The following NSD1 variants were observed in gnomAD, a reference collection of about 807,000 sequenced individuals.
The protein encoded by NSD1 is histone-lysine N-methyltransferase, H3 lysine-36 specific.
In NSD1, 26 loss-of-function variants were observed where a neutral mutation model predicts 242.7. That is an observed-to-expected ratio of 0.11 (90% CI 0.08 to 0.15). NSD1 has a LOEUF of 0.15. Among genes scored for constraint, NSD1 ranks in the 10% least tolerant of loss-of-function variants. NSD1 has a pLI of 1.00. For missense variants in NSD1, 2,495 were observed against 3,272.8 expected, an observed-to-expected ratio of 0.76 and a Z score of 5.80; for synonymous variants, 1,106 against 1,178.1, an observed-to-expected ratio of 0.94 and a Z score of 1.25.
chr5:177,139,528 CTT>C (rs1387382268), intron 2 of NSD1, among the ~76,000 whole-genome samples: 1 of 151,098 alleles, frequency 6.6e-6, no homozygotes, highest in Non-Finnish European at 1.5e-5. Flanking sequence ...TTAAAAATAA[CTT>C]TTCTATGTAG....
intron 20 of NSD1, among the ~76,000 whole-genome samples, chr5:177,284,359 C>G (rs998846746): frequency 3.9e-4 from 60 of 152,360 alleles, no homozygotes; most frequent in African/African-American, 1.4e-3. Context: ...CAGTTCACTG[C>G]AGCCTCAAAC....
At chr5:177,188,423 A>G (rs1416941526) in intron 2 of NSD1, among the ~76,000 whole-genome samples, 4 of 152,136 alleles carry the variant, frequency 2.6e-5, no homozygotes, top group Non-Finnish European at 5.9e-5. Flanking sequence ...GGGTTTGCAT[A>G]TGTTATTTTA....
chr5:177,150,488 A>G (rs896398645), intron 2 of NSD1, among the ~76,000 whole-genome samples: 2 of 147,994 alleles, frequency 1.4e-5, no homozygotes, highest in Admixed American at 6.6e-5. Context: ...GGAAACCAAT[A>G]AAATCATACA....
intron 5 of NSD1, among the ~76,000 whole-genome samples, chr5:177,219,281 G>A (rs1764049922): frequency 1.3e-5 from 2 of 151,860 alleles, no homozygotes; most frequent in Non-Finnish European, 2.9e-5. Flanking sequence ...CACCTCCCGG[G>A]TTCAAGCGAT....
At chr5:177,244,738 G>A (rs1034427619) in intron 9 of NSD1, among the ~76,000 whole-genome samples, 3 of 152,192 alleles carry the variant, frequency 2.0e-5, no homozygotes, top group African/African-American at 7.2e-5. Context: ...TGAGCACACT[G>A]CAACAGATGT....
chr5:177,172,939 G>A (rs1202510877), intron 2 of NSD1, among the ~76,000 whole-genome samples: 1 of 136,974 alleles, frequency 7.3e-6, no homozygotes, highest in Admixed American at 7.6e-5. Flanking sequence ...TCTAGCCTGG[G>A]TAACAGAGCG....
At chr5:177,240,546 T>C (rs1044313416) in intron 8 of NSD1, among the ~76,000 whole-genome samples, 2 of 152,044 alleles carry the variant, frequency 1.3e-5, no homozygotes, top group African/African-American at 4.8e-5. Context: ...ACCCCCTCTC[T>C]ACTAAAAATA....
At chr5:177,156,880 A>G (rs1758179379) in intron 2 of NSD1, among the ~76,000 whole-genome samples, 1 of 151,740 alleles carries the variant, frequency 6.6e-6, no homozygotes, top group Admixed American at 6.6e-5. Context: ...CTGAGGCAGG[A>G]GAATAGCTTG....
chr5:177,280,650 A>G lies in NSD1; in HGVS notation c.5708A>G (p.Asn1903Ser). ...TGCAACTGTAAAGCTACTGATGAGAACCCCTGTGGGATAGACTCTGAATGC... is the reference window on the plus strand; with the variant it reads ...TGCAACTGTAAAGCTACTGATGAGAGCCCCTGTGGGATAGACTCTGAATGC... ...PRCNCKATDE[N>S]PCGIDSECIN... Residue 1903 changes from asparagine (N) to serine (S), a missense_variant, in exon 18 of 23, where the codon AAC becomes AGC. This residue lies in a region of NSD1 where 114 missense variants were observed against 247.4 expected (regional missense o/e 0.46). Transcript: ENST00000439151. 6.2e-7 allele frequency: 1 copy of G among 1,613,944 alleles called. No homozygotes were observed. Among genetic ancestry groups the G allele is most frequent in the Non-Finnish European group, 8.5e-7 (1 of 1,179,984 alleles).
intron 2 of NSD1, among the ~76,000 whole-genome samples, chr5:177,172,773 A>G (rs1024618891): frequency 6.6e-6 from 1 of 151,946 alleles, no homozygotes; most frequent in Non-Finnish European, 1.5e-5. Context: ...AGCCTAGGCA[A>G]CATAGTGAGA....
At chr5:177,132,982 G>C (rs1334926222), upstream of NSD1, 1 of 152,788 alleles carries the variant, frequency 6.5e-6, no homozygotes, top group African/African-American at 2.4e-5. This position sits in a 1 kb window ranked among gnomAD's most constrained non-coding sequence, Gnocchi z 7.5. Flanking sequence ...GCACAGGCTT[G>C]GCTCAGGGAG....
At chr5:177,240,427 A>T (rs771298968) in intron 8 of NSD1, among the ~76,000 whole-genome samples, 1 of 151,838 alleles carries the variant, frequency 6.6e-6, no homozygotes, top group African/African-American at 2.4e-5. Flanking sequence ...ATCTAGTGTG[A>T]TGGTGGCCGG....
At chr5:177,252,202 ATT>A (rs1756027702) in intron 12 of NSD1, among the ~76,000 whole-genome samples, 1 of 152,220 alleles carries the variant, frequency 6.6e-6, no homozygotes, top group African/African-American at 2.4e-5. Flanking sequence ...CGTGTAAAAC[ATT>A]TGGGGAATAT....
intron 17 of NSD1, among the ~76,000 whole-genome samples, chr5:177,276,516 G>C (rs1283246096): frequency 6.6e-6 from 1 of 152,078 alleles, no homozygotes; most frequent in African/African-American, 2.4e-5. Flanking sequence ...AGTAGAGATG[G>C]GGTTTCACCA....
chr5:177,281,201 A>G (rs1264881748), intron 18 of NSD1, among the ~76,000 whole-genome samples: 1 of 152,234 alleles, frequency 6.6e-6, no homozygotes, highest in African/African-American at 2.4e-5. Flanking sequence ...TAGTGAGGAA[A>G]AAACAGGTCT....
rs551913282 is a variant in NSD1, at chr5:177,156,925, C to T, written c.927+20895C>T. ...GGCAGAGGTTGCTTTGAGCTGAGAT[C>T]GCACCACGGCATTCCAGCCTGGAGG... On this transcript the variant is annotated intron_variant, in intron 2 of 22. Coordinates refer to ENST00000439151, the MANE Select transcript of NSD1 (RefSeq NM_022455.5). Among the ~76,000 whole-genome samples, 7 of 151,886 alleles carry T rather than the reference C, an allele frequency of 4.6e-5. No homozygotes were observed. In the South Asian group the frequency reaches 1.0e-3, roughly 23 times the overall value.
At chr5:177,215,128 G>A (rs1763669244) in intron 5 of NSD1, among the ~76,000 whole-genome samples, 2 of 151,648 alleles carry the variant, frequency 1.3e-5, no homozygotes, top group Admixed American at 1.3e-4. Flanking sequence ...ACTATTGTGA[G>A]TAATGCTACA....
At chr5:177,274,274 T>C (rs991453606) in intron 17 of NSD1, among the ~76,000 whole-genome samples, 5 of 152,212 alleles carry the variant, frequency 3.3e-5, no homozygotes, top group African/African-American at 1.2e-4. Context: ...CCTAGTGAAA[T>C]AGTCATCACC....
Position 177,265,594 on chromosome 5 carries a change from G to A in NSD1, c.5147-1968G>A, listed in dbSNP as rs1021566811. ...CTCAGCACATCCTGTAGTCTGTGGA[G>A]CAGGACAGGTCGCACAGATGGCCCC... On this transcript the variant is annotated intron_variant, in intron 14 of 22. Transcript: ENST00000439151. 3.0e-6 allele frequency: 4 copies of A among 1,325,396 alleles called. No homozygotes were observed. The Admixed American group carries it at 6.7e-5, about 22-fold the overall frequency. 82.1% of individuals were successfully genotyped at this position (1,325,396 alleles called of 1,614,324 possible). A position where few individuals can be genotyped will look rare whatever the true frequency, so the allele number is the denominator to read the frequency against.
Sources: gnomAD v4.1 joint callset for allele counts (sites outside exome capture counted in the v4.1 genomes callset) on GRCh38, gnomAD v4.1.1 for gene constraint, gnomAD v4.1.1 regional missense constraint, Gnocchi (gnomAD v3.1) non-coding constraint, MANE v1.5 for transcripts, NCBI Gene and HGNC (gene_info 2026-07-23, HGNC 2026-07-21) for gene names.